The following MACROD2 variants were observed in gnomAD, a reference collection of about 807,000 sequenced individuals.
MACROD2 encodes the protein mono-ADP ribosylhydrolase 2.
A neutral mutation model predicts 70.4 loss-of-function variants in MACROD2; 36 were observed. The observed-to-expected ratio is 0.51, with a 90% CI of 0.39 to 0.68. MACROD2 has a LOEUF of 0.68. Ranked by LOEUF, MACROD2 falls within the 30% of genes least tolerant of loss-of-function variation. The pLI, the probability that MACROD2 is intolerant of heterozygous loss-of-function variation, is 0.00. For synonymous variants in MACROD2, 172 were observed against 178.8 expected, an observed-to-expected ratio of 0.96 and a Z score of 0.30; for missense variants, 496 against 538.4, an observed-to-expected ratio of 0.92 and a Z score of 0.78.
chr20:15,066,430 A>G (rs1489644457), intron 5 of MACROD2, among the ~76,000 whole-genome samples: 1 of 151,750 alleles, frequency 6.6e-6, no homozygotes, highest in Non-Finnish European at 1.5e-5. Flanking sequence ...CACTGCGCCC[A>G]GCCAACAAGA....
chr20:14,812,620 G>A (rs766676120), intron 5 of MACROD2, among the ~76,000 whole-genome samples: 2 of 151,950 alleles, frequency 1.3e-5, no homozygotes, highest in Non-Finnish European at 1.5e-5. Flanking sequence ...ATCATATTCT[G>A]TGTCTGAAAT....
At chr20:15,995,671 A>ATTTTTTTTTTTTTTTTTTTTTTTTTTT (rs2066620884) in intron 15 of MACROD2, among the ~76,000 whole-genome samples, 1 of 41,054 alleles carries the variant, frequency 2.4e-5, no homozygotes, top group Non-Finnish European at 5.3e-5. Flanking sequence ...TTTTTTTTTA[A>ATTTTTTTTTTTTTTTTTTTTTTTTTTT]CTTTTTAAGA....
intron 4 of MACROD2, among the ~76,000 whole-genome samples, chr20:14,552,968 T>C (rs1342541683): frequency 1.3e-5 from 2 of 152,136 alleles, no homozygotes; most frequent in African/African-American, 2.4e-5. Context: ...TTAGGCTACG[T>C]TAAATGTATT....
At chr20:15,899,235 T>C (rs934029215) in intron 10 of MACROD2, among the ~76,000 whole-genome samples, 1 of 152,104 alleles carries the variant, frequency 6.6e-6, no homozygotes, top group African/African-American at 2.4e-5. Context: ...TATATATGTA[T>C]ATGTGTGTAT....
intron 3 of MACROD2, among the ~76,000 whole-genome samples, chr20:14,132,548 A>G (rs2054731702): frequency 6.6e-6 from 1 of 152,230 alleles, no homozygotes; most frequent in Admixed American, 6.5e-5. Context: ...CCAACTAATG[A>G]TTAATGTTCT....
At chr20:15,833,037 G>C (rs934391614) in intron 8 of MACROD2, among the ~76,000 whole-genome samples, 1 of 152,138 alleles carries the variant, frequency 6.6e-6, no homozygotes, top group African/African-American at 2.4e-5. Flanking sequence ...CTCCCTTTCA[G>C]TGTAAAATTA....
chr20:14,181,419 G>T (rs1454292537), intron 3 of MACROD2, among the ~76,000 whole-genome samples: 3 of 151,620 alleles, frequency 2.0e-5, no homozygotes, highest in Admixed American at 2.0e-4. Context: ...CGAAAATGAT[G>T]GGGAACCATC....
intron 16 of MACROD2, among the ~76,000 whole-genome samples, chr20:16,043,287 G>A (rs1355645973): frequency 6.6e-6 from 1 of 152,022 alleles, no homozygotes; most frequent in African/African-American, 2.4e-5. Flanking sequence ...CAAGTTGGAA[G>A]CAGAGGTAAA....
intron 8 of MACROD2, among the ~76,000 whole-genome samples, chr20:15,842,918 C>A (rs1648087671): frequency 6.6e-6 from 1 of 152,110 alleles, no homozygotes; most frequent in South Asian, 2.1e-4. Context: ...ATATCAAGAT[C>A]CACTGCCCAA....
chr20:15,764,232 A>G (rs1224794815), intron 8 of MACROD2, among the ~76,000 whole-genome samples: 4 of 152,122 alleles, frequency 2.6e-5, no homozygotes, highest in Admixed American at 6.5e-5. Flanking sequence ...AAGTTCTTCT[A>G]TGTCTTCTAT....
chr20:15,265,556 G>T (rs1330354428), intron 6 of MACROD2, among the ~76,000 whole-genome samples: 1 of 152,116 alleles, frequency 6.6e-6, no homozygotes, highest in Non-Finnish European at 1.5e-5. Context: ...TTAGCTGCTT[G>T]CAGAAATAAA....
Position 14,868,401 on chromosome 20 carries a change from A to G in MACROD2, c.418+183442A>G, listed in dbSNP as rs190059316. Among the ~76,000 whole-genome samples the G allele has an allele frequency of 2.0e-4, 31 of 151,926 alleles. 1 individual carries two copies. The highest frequency in any genetic ancestry group is 1.9e-3 in the Admixed American group (29 of 15,226). On this transcript the variant is annotated intron_variant, in intron 5 of 17. Transcript: ENST00000684519. ...ACAGAATCTCAAACTCTGGAGCTCA[A>G]ATGATTCTCTCACCTTGGCCTCCCA...
intron 8 of MACROD2, among the ~76,000 whole-genome samples, chr20:15,580,932 G>T (rs1049087850): frequency 4.5e-4 from 69 of 152,294 alleles, no homozygotes; most frequent in African/African-American, 1.5e-3. Context: ...ACAGACAATG[G>T]TTGGGCCTGC....
chr20:15,375,619 A>G (rs1401769820), intron 6 of MACROD2, among the ~76,000 whole-genome samples: 1 of 152,156 alleles, frequency 6.6e-6, no homozygotes, highest in Non-Finnish European at 1.5e-5. Context: ...GTTAACTAGA[A>G]GTTGATCAGA....
At chr20:14,844,186 T>C (rs1218496024) in intron 5 of MACROD2, among the ~76,000 whole-genome samples, 1 of 151,812 alleles carries the variant, frequency 6.6e-6, no homozygotes, top group South Asian at 2.1e-4. Flanking sequence ...ATTCTCTTCA[T>C]AGTAAGATAA....
chr20:15,748,980 A>G (rs553461392), intron 8 of MACROD2, among the ~76,000 whole-genome samples: 51 of 152,264 alleles, frequency 3.3e-4, no homozygotes, highest in African/African-American at 1.1e-3. Flanking sequence ...TATAAGGAAT[A>G]TAGAATTAGT....
chr20:14,529,900 T>C (rs764131904), intron 4 of MACROD2, among the ~76,000 whole-genome samples: 21 of 152,236 alleles, frequency 1.4e-4, no homozygotes, highest in Non-Finnish European at 1.6e-4. Context: ...GTAATAGTGT[T>C]TTCTTTCCCA....
intron 5 of MACROD2, among the ~76,000 whole-genome samples, chr20:14,773,848 C>A (rs1333983839): frequency 6.6e-6 from 1 of 152,056 alleles, no homozygotes; most frequent in African/African-American, 2.4e-5. Context: ...AATGTGCACA[C>A]AGATTGAAGT....
intron 5 of MACROD2, among the ~76,000 whole-genome samples, chr20:14,747,641 T>A (rs1363367802): frequency 6.6e-6 from 1 of 152,220 alleles, no homozygotes; most frequent in East Asian, 1.9e-4. Context: ...TTTTTGCCCC[T>A]GAGGCTCTTG....
Sources: allele counts gnomAD v4.1 joint callset (sites outside exome capture counted in the v4.1 genomes callset), GRCh38; gene constraint gnomAD v4.1.1; transcripts MANE v1.5; gene names NCBI Gene and HGNC (gene_info 2026-07-23, HGNC 2026-07-21).